Variants in GPC6 observed in about 807,000 individuals in gnomAD.
The protein encoded by GPC6 is glypican 6.
In GPC6, 14 loss-of-function variants were observed where a neutral mutation model predicts 55.2. That is an observed-to-expected ratio of 0.25 (90% CI 0.17 to 0.40). GPC6 has a LOEUF of 0.40. Among genes scored for constraint, GPC6 ranks in the 10% least tolerant of loss-of-function variants. GPC6 has a pLI of 1.00. For missense variants in GPC6, 641 were observed against 708.5 expected, an observed-to-expected ratio of 0.90 and a Z score of 1.08; for synonymous variants, 278 against 259.6, an observed-to-expected ratio of 1.07 and a Z score of -0.68.
intron 4 of GPC6, among the ~76,000 whole-genome samples, chr13:94,152,462 G>A (rs1438650244): frequency 5.3e-5 from 8 of 152,016 alleles, no homozygotes; most frequent in Admixed American, 4.6e-4. Flanking sequence ...TGAAAACTTA[G>A]TACATGTCAG....
At chr13:93,467,455 G>T (rs1347993826) in intron 1 of GPC6, among the ~76,000 whole-genome samples, 2 of 152,064 alleles carry the variant, frequency 1.3e-5, no homozygotes, top group Non-Finnish European at 2.9e-5. Flanking sequence ...CTTGTAACCA[G>T]GATGACTGTC....
chr13:94,303,811 T>C (rs1875795731), intron 5 of GPC6, among the ~76,000 whole-genome samples: 1 of 151,848 alleles, frequency 6.6e-6, no homozygotes, highest in African/African-American at 2.4e-5. Flanking sequence ...GGTTTTTCCA[T>C]TATGATGAAA....
intron 1 of GPC6, chr13:93,395,010 A>T (rs1875789966): frequency 4.3e-6 from 1 of 232,128 alleles, no homozygotes; most frequent in African/African-American, 2.3e-5. Context: ...ACAGGGGCAC[A>T]GCTTATCCCT....
At position 93,411,733 on chromosome 13, in the gene GPC6, G is replaced by A. The variant is rs192283231; in HGVS notation, c.161-133530G>A. On this transcript the variant is annotated intron_variant, in intron 1 of 8. Transcript: ENST00000377047. ...AGCCATTATAGGCCCAGGTGCAGTC[G>A]CTCACTCCTGTAATCTCAGCACTTT... 2.0e-4 allele frequency among the ~76,000 whole-genome samples: 30 copies of A among 152,168 alleles called. No individual in the cohort carries two copies. The East Asian group carries it at 5.4e-3, about 28-fold the overall frequency.
intron 2 of GPC6, among the ~76,000 whole-genome samples, chr13:93,779,161 G>C (rs1054965750): frequency 1.3e-5 from 2 of 151,860 alleles, no homozygotes; most frequent in Non-Finnish European, 2.9e-5. Context: ...ATGCCTATTC[G>C]TGTGTGTTTC....
At chr13:93,485,453 A>G (rs183296730) in intron 1 of GPC6, among the ~76,000 whole-genome samples, 317 of 152,322 alleles carry the variant, frequency 2.1e-3, no homozygotes, top group Non-Finnish European at 4.1e-3. Context: ...GAGAAGATGG[A>G]AAATATTACA....
chr13:93,870,935 T>A (rs1303569814), intron 3 of GPC6, among the ~76,000 whole-genome samples: 1 of 151,920 alleles, frequency 6.6e-6, no homozygotes, highest in African/African-American at 2.4e-5. Flanking sequence ...GGTAACTTAT[T>A]TGAATTTACT....
chr13:93,853,557 G>T (rs1303366488), intron 3 of GPC6, among the ~76,000 whole-genome samples: 3 of 151,186 alleles, frequency 2.0e-5, no homozygotes, highest in Non-Finnish European at 4.4e-5. Context: ...ACCTTCAATC[G>T]AGACAGAAAT....
At chr13:93,470,715 T>C (rs1879079611) in intron 1 of GPC6, among the ~76,000 whole-genome samples, 1 of 152,098 alleles carries the variant, frequency 6.6e-6, no homozygotes, top group African/African-American at 2.4e-5. Context: ...ATAAAATTGG[T>C]GTTATTTTTT....
chr13:93,334,463 CTTAT>C (rs1879974941), intron 1 of GPC6, among the ~76,000 whole-genome samples: 1 of 151,930 alleles, frequency 6.6e-6, no homozygotes, highest in Non-Finnish European at 1.5e-5. Context: ...ATTGATTCTT[CTTAT>C]TTATTTATTT....
intron 4 of GPC6, among the ~76,000 whole-genome samples, chr13:94,171,808 T>C (rs1367578243): frequency 6.6e-6 from 1 of 152,176 alleles, no homozygotes; most frequent in Non-Finnish European, 1.5e-5. Context: ...GAGCCTCTAC[T>C]TGATTCTTAA....
intron 2 of GPC6, among the ~76,000 whole-genome samples, chr13:93,686,499 A>C (rs1223776247): frequency 1.3e-5 from 2 of 152,116 alleles, no homozygotes; most frequent in Non-Finnish European, 2.9e-5. Flanking sequence ...ACCTCAGTAC[A>C]ACAGTCTCAT....
At chr13:93,931,332 T>A (rs1252156487) in intron 3 of GPC6, among the ~76,000 whole-genome samples, 1 of 148,684 alleles carries the variant, frequency 6.7e-6, no homozygotes, top group Non-Finnish European at 1.5e-5. Flanking sequence ...TACCATTCAT[T>A]AAAATAGAAA....
In GPC6 at chr13:93,451,022, T is replaced by A. The variant is rs1042066978; in HGVS notation, c.161-94241T>A. Among the ~76,000 whole-genome samples the A allele has an allele frequency of 2.0e-5, 3 of 152,162 alleles. No homozygotes were observed. In the South Asian group the frequency reaches 6.2e-4, roughly 32 times the overall value. ...CTATAACAGGATAATACATTACAGATAATTTTGAAAGTTATTTAAGGGCAA... is the reference window on the plus strand; with the variant it reads ...CTATAACAGGATAATACATTACAGAAAATTTTGAAAGTTATTTAAGGGCAA... On this transcript the variant is annotated intron_variant, in intron 1 of 8. Transcript: ENST00000377047.
intron 2 of GPC6, among the ~76,000 whole-genome samples, chr13:93,788,000 G>T (rs1482498079): frequency 6.6e-6 from 1 of 152,178 alleles, no homozygotes; most frequent in South Asian, 2.1e-4. Flanking sequence ...TTTTTAAGAT[G>T]TAGGTTATAG....
intron 4 of GPC6, among the ~76,000 whole-genome samples, chr13:94,201,097 A>G (rs1205492817): frequency 1.3e-5 from 2 of 152,246 alleles, no homozygotes; most frequent in Non-Finnish European, 2.9e-5. Context: ...AAGTTAGCAC[A>G]CTGAAACGTG....
At chr13:94,247,122 A>AT (rs942474354) in intron 4 of GPC6, among the ~76,000 whole-genome samples, 15 of 152,048 alleles carry the variant, frequency 9.9e-5, no homozygotes, top group African/African-American at 3.1e-4. Context: ...CATAAATGGG[A>AT]TTTTTTAAAA....
At chr13:93,671,096 T>C (rs986282770) in intron 2 of GPC6, among the ~76,000 whole-genome samples, 1 of 152,144 alleles carries the variant, frequency 6.6e-6, no homozygotes, top group African/African-American at 2.4e-5. Context: ...TTTGCCAAAG[T>C]CTGTGCCATG....
chr13:94,364,847 G>A (rs1313809793), intron 6 of GPC6, among the ~76,000 whole-genome samples: 3 of 152,158 alleles, frequency 2.0e-5, no homozygotes, highest in African/African-American at 7.2e-5. Flanking sequence ...ATATAGGGAA[G>A]CTTACAAGGA....
Sources: allele counts gnomAD v4.1 joint callset (sites outside exome capture counted in the v4.1 genomes callset), GRCh38; gene constraint gnomAD v4.1.1; transcripts MANE v1.5; gene names NCBI Gene and HGNC (gene_info 2026-07-23, HGNC 2026-07-21).